Variants in TMEM132D observed in about 807,000 individuals in gnomAD.
TMEM132D encodes transmembrane protein 132D.
Under a neutral mutation model 62.3 loss-of-function variants are expected in TMEM132D, and 21 were observed. The observed-to-expected ratio is 0.34, with a 90% CI of 0.24 to 0.49. TMEM132D has a LOEUF of 0.49. Among genes scored for constraint, TMEM132D ranks in the 20% least tolerant of loss-of-function variants. TMEM132D has a pLI of 0.99. For missense variants in TMEM132D, 1,346 were observed against 1,402.8 expected, an observed-to-expected ratio of 0.96 and a Z score of 0.65; for synonymous variants, 621 against 575.6, an observed-to-expected ratio of 1.08 and a Z score of -1.13.
chr12:129,375,674 T>C (rs934859442), intron 3 of TMEM132D, among the ~76,000 whole-genome samples: 10 of 152,148 alleles, frequency 6.6e-5, no homozygotes, highest in Admixed American at 4.6e-4. Context: ...AGTAGAATCA[T>C]ACACCAGGAC....
intron 4 of TMEM132D, among the ~76,000 whole-genome samples, chr12:129,313,220 A>T (rs557950078): frequency 2.0e-5 from 3 of 152,280 alleles, no homozygotes; most frequent in African/African-American, 7.2e-5. Flanking sequence ...ATTTGGTTAC[A>T]TGAGTTAGTT....
intron 1 of TMEM132D, among the ~76,000 whole-genome samples, chr12:129,706,566 C>T (rs7132791): frequency 0.89 from 135,870 of 151,882 alleles, 61,854 homozygotes; most frequent in Non-Finnish European, 1. Flanking sequence ...CCTCCTTTTC[C>T]GGTCTCTGAC....
intron 4 of TMEM132D, among the ~76,000 whole-genome samples, chr12:129,305,963 C>T (rs529315312): frequency 3.0e-4 from 46 of 152,278 alleles, no homozygotes; most frequent in African/African-American, 1.0e-3. Flanking sequence ...CCCCGTGGTG[C>T]CTTCTCAAAA....
intron 3 of TMEM132D, among the ~76,000 whole-genome samples, chr12:129,388,724 T>G (rs201017213): frequency 8.7e-5 from 8 of 91,954 alleles, no homozygotes; most frequent in East Asian, 5.3e-4. Flanking sequence ...ACACTAACAC[T>G]CATCCTAATA....
chr12:129,609,092 C>G (rs915069313), intron 2 of TMEM132D, among the ~76,000 whole-genome samples: 1 of 151,996 alleles, frequency 6.6e-6, no homozygotes, highest in Admixed American at 6.6e-5. Flanking sequence ...AGGTGCCCAC[C>G]AACACGCCCA....
chr12:129,497,981 ACAGC>A (rs920205022), intron 3 of TMEM132D, among the ~76,000 whole-genome samples: 8 of 152,114 alleles, frequency 5.3e-5, no homozygotes, highest in African/African-American at 1.9e-4. Flanking sequence ...TTCCCCTTAT[ACAGC>A]CACAAAATAC....
chr12:129,378,457 C>G (rs566224623), intron 3 of TMEM132D, among the ~76,000 whole-genome samples: 1 of 152,298 alleles, frequency 6.6e-6, no homozygotes, highest in South Asian at 2.1e-4. Context: ...TTCTCAATAG[C>G]TAGGAGTAGA....
In TMEM132D at chr12:129,285,441, C is replaced by T. The variant is rs951142610; in HGVS notation, c.1299+52193G>A. 7.4e-5 allele frequency among the ~76,000 whole-genome samples: 11 copies of T among 148,660 alleles called. No homozygotes were observed. The East Asian group carries it at 1.2e-3, about 17-fold the overall frequency. ...ACCCGGGAGGCTGAGGCAGGAAAAT[C>T]GCTTGGACCCGGGAGGCAGAGGTTG... On this transcript the variant is annotated intron_variant, in intron 4 of 8. Transcript: ENST00000422113.
intron 4 of TMEM132D, among the ~76,000 whole-genome samples, chr12:129,257,201 TTTC>T (rs1302366370): frequency 1.4e-5 from 2 of 138,028 alleles, no homozygotes; most frequent in Non-Finnish European, 3.0e-5. Flanking sequence ...CCCCTGTTTC[TTTC>T]TTTTTTTTTT....
intron 4 of TMEM132D, among the ~76,000 whole-genome samples, chr12:129,309,466 A>G (rs1881920913): frequency 6.6e-6 from 1 of 152,166 alleles, no homozygotes; most frequent in Non-Finnish European, 1.5e-5. Flanking sequence ...CTTTTATAAT[A>G]ATACACAAGG....
At chr12:129,725,284 A>C (rs11060513) in intron 1 of TMEM132D, among the ~76,000 whole-genome samples, 9,226 of 152,354 alleles carry the variant, frequency 0.061, 330 homozygotes, top group South Asian at 0.13. Context: ...CGAGTCCATC[A>C]TTCACTATGT....
At chr12:129,663,344 G>T (rs904593509) in intron 2 of TMEM132D, among the ~76,000 whole-genome samples, 1 of 152,170 alleles carries the variant, frequency 6.6e-6, no homozygotes, top group Non-Finnish European at 1.5e-5. Context: ...CACCATGTTG[G>T]TCAGGCTGGT....
At chr12:129,241,407 C>T (rs950242809) in intron 4 of TMEM132D, among the ~76,000 whole-genome samples, 9 of 152,110 alleles carry the variant, frequency 5.9e-5, no homozygotes, top group East Asian at 1.9e-4. Context: ...CCATACACAC[C>T]GGCACAACAC....
At chr12:129,561,886 T>G (rs565708424) in intron 2 of TMEM132D, among the ~76,000 whole-genome samples, 11 of 152,346 alleles carry the variant, frequency 7.2e-5, no homozygotes, top group African/African-American at 2.6e-4. Flanking sequence ...GAATTGTTGC[T>G]GCTGTGAGTT....
chr12:129,843,644 C>T (rs1873268985), intron 1 of TMEM132D, among the ~76,000 whole-genome samples: 1 of 152,174 alleles, frequency 6.6e-6, no homozygotes, highest in Admixed American at 6.5e-5. Context: ...GGGACCTTCA[C>T]AGTATTAGAG....
rs1171795599 is a variant in TMEM132D, at chr12:129,074,839, T to C, written c.2336A>G (p.Lys779Arg). 2 of 1,613,956 alleles carry C rather than the reference T, an allele frequency of 1.2e-6. No individual in the cohort carries two copies. The highest frequency in any genetic ancestry group is 1.7e-6 in the Non-Finnish European group (2 of 1,180,044). ...VEMVISESCQ[K>R]SKRKSVLAVG... ...AGCTAACACACTCTTCCGCTTGGAT[T>C]TCTGGCAGGATTCACTAATAACCAT... Residue 779 changes from lysine to arginine, a missense_variant, in exon 9 of 9, where the codon AAA becomes AGA. By Grantham distance (26) the Lys-to-Arg change is conservative (BLOSUM62 2). Transcript: ENST00000422113.
At chr12:129,543,891 C>A (rs971032027) in intron 2 of TMEM132D, among the ~76,000 whole-genome samples, 2 of 152,158 alleles carry the variant, frequency 1.3e-5, no homozygotes, top group African/African-American at 4.8e-5. Flanking sequence ...CTGGTGCCCC[C>A]TCGATGGACA....
chr12:129,678,466 T>C (rs1163374408), intron 2 of TMEM132D, among the ~76,000 whole-genome samples: 1 of 152,170 alleles, frequency 6.6e-6, no homozygotes, highest in Non-Finnish European at 1.5e-5. Context: ...TGTCTGTTCA[T>C]ATTTTTTGCC....
At chr12:129,268,160 C>T (rs1880747284) in intron 4 of TMEM132D, among the ~76,000 whole-genome samples, 1 of 152,194 alleles carries the variant, frequency 6.6e-6, no homozygotes, top group African/African-American at 2.4e-5. Context: ...AAAGCAATGG[C>T]AACCAAAGCC....
Sources: allele counts gnomAD v4.1 joint callset (sites outside exome capture counted in the v4.1 genomes callset), GRCh38; gene constraint gnomAD v4.1.1; transcripts MANE v1.5; gene names NCBI Gene and HGNC (gene_info 2026-07-23, HGNC 2026-07-21).